The following OPCML variants were observed in gnomAD, a reference collection of about 807,000 sequenced individuals.
The protein encoded by OPCML is opioid-binding protein/cell adhesion molecule.
In OPCML, 13 loss-of-function variants were observed where a neutral mutation model predicts 37.8. The ratio of observed to expected loss-of-function variants is 0.34; its 90% CI spans 0.22 to 0.55. The LOEUF (loss-of-function observed/expected upper bound fraction) is 0.55. Ranked by LOEUF, OPCML falls within the 20% of genes least tolerant of loss-of-function variation. The pLI, the probability that OPCML is intolerant of heterozygous loss-of-function variation, is 0.91. For missense variants in OPCML, 341 were observed against 435.6 expected (o/e 0.78, Z 1.93); for synonymous variants, 176 against 168.8 (o/e 1.04, Z -0.33).
intron 2 of OPCML, among the ~76,000 whole-genome samples, chr11:132,834,789 A>T (rs1191979805): frequency 2.0e-5 from 3 of 152,184 alleles, no homozygotes; most frequent in Non-Finnish European, 4.4e-5. Flanking sequence ...CAGGCAAGAG[A>T]GCGTAGGACT....
intron 1 of OPCML, among the ~76,000 whole-genome samples, chr11:133,416,431 A>C (rs1945767169): frequency 6.6e-6 from 1 of 152,170 alleles, no homozygotes; most frequent in African/African-American, 2.4e-5. Context: ...AGCTGGACTA[A>C]CTCTGCCTCA....
At chr11:132,738,690 T>G (rs950848326) in intron 2 of OPCML, among the ~76,000 whole-genome samples, 11 of 152,342 alleles carry the variant, frequency 7.2e-5, no homozygotes, top group Admixed American at 7.2e-4. Context: ...CTGTAGTTAC[T>G]TACGGCTCCT....
Position 133,173,657 on chromosome 11 carries a change from G to T in OPCML, c.62-230647C>A, listed in dbSNP as rs1950318859. 6.6e-6 allele frequency among the ~76,000 whole-genome samples: 1 copy of T among 152,146 alleles called. No individual in the cohort carries two copies. On this transcript the variant is annotated intron_variant, in intron 1 of 7. Coordinates refer to ENST00000524381, the MANE Select transcript of OPCML (RefSeq NM_001012393.5). This position sits in a 1 kb window ranked among gnomAD's most constrained non-coding sequence, Gnocchi z 7.8. ...CAGTAACGCGATGAGGCTAACGTAA[G>T]GGTAGACACCTCCCTGCAGATAATA...
At chr11:132,635,985 G>A (rs751478534) in intron 3 of OPCML, among the ~76,000 whole-genome samples, 1 of 152,104 alleles carries the variant, frequency 6.6e-6, no homozygotes, top group Non-Finnish European at 1.5e-5. Context: ...GATACAAGAT[G>A]TCCATTGTTT....
At position 132,786,087 on chromosome 11, in the gene OPCML, G is replaced by A. The variant is rs549185755; in HGVS notation, c.147-128768C>T. Among the ~76,000 whole-genome samples, 73 of 152,206 alleles carry A rather than the reference G, an allele frequency of 4.8e-4. 1 individual carries two copies. Among genetic ancestry groups the A allele is most frequent in the African/African-American group, 1.7e-3 (70 of 41,548 alleles). On this transcript the variant is annotated intron_variant, in intron 2 of 7. Transcript: ENST00000524381. ...ATCCTCCACAGCATCTCAGCACCCC[G>A]CTTTCCACCTCCAGCTGCTCTCCTT... is the stretch of plus-strand genomic sequence containing the variant.
intron 1 of OPCML, among the ~76,000 whole-genome samples, chr11:133,120,100 A>G (rs1592019877): frequency 6.6e-6 from 1 of 152,202 alleles, no homozygotes; most frequent in African/African-American, 2.4e-5. Flanking sequence ...AGTTCAGGTT[A>G]AGAGCTGAGG....
At chr11:133,503,288 C>A (rs1475746800) in intron 1 of OPCML, among the ~76,000 whole-genome samples, 1 of 152,144 alleles carries the variant, frequency 6.6e-6, no homozygotes, top group Non-Finnish European at 1.5e-5. Context: ...ACCTTACAGC[C>A]CCCAAACCCA....
chr11:132,743,186 T>C (rs12799734), intron 2 of OPCML, among the ~76,000 whole-genome samples: 1 of 152,168 alleles, frequency 6.6e-6, no homozygotes, highest in African/African-American at 2.4e-5. Flanking sequence ...AGCCAAGGTC[T>C]TTTTCCTGGG....
At chr11:132,482,576 C>T (rs1008888611) in intron 4 of OPCML, among the ~76,000 whole-genome samples, 10 of 152,136 alleles carry the variant, frequency 6.6e-5, no homozygotes, top group African/African-American at 2.2e-4. Context: ...TTTATGAGTC[C>T]AGCATCATTC....
At chr11:133,217,556 A>G (rs1939635975) in intron 1 of OPCML, among the ~76,000 whole-genome samples, 1 of 152,138 alleles carries the variant, frequency 6.6e-6, no homozygotes, top group Non-Finnish European at 1.5e-5. Context: ...TCTGCCCCAC[A>G]CGAGAGCCCA....
At chr11:133,169,417 G>T (rs1950258607) in intron 1 of OPCML, among the ~76,000 whole-genome samples, 1 of 152,136 alleles carries the variant, frequency 6.6e-6, no homozygotes, top group South Asian at 2.1e-4. Flanking sequence ...AAAACTAAAT[G>T]ATTATTAGGC....
intron 1 of OPCML, among the ~76,000 whole-genome samples, chr11:133,372,798 G>A (rs144998550): frequency 5.0e-4 from 76 of 152,252 alleles, no homozygotes; most frequent in Non-Finnish European, 4.9e-4. Flanking sequence ...GAGCCCTTCT[G>A]ACATATTAGC....
chr11:132,998,292 A>G (rs1946923718), intron 1 of OPCML, among the ~76,000 whole-genome samples: 1 of 152,170 alleles, frequency 6.6e-6, no homozygotes, highest in African/African-American at 2.4e-5. Flanking sequence ...CATTGAGCAG[A>G]GTTCACCCAG....
At chr11:133,148,370 T>C (rs1272829179) in intron 1 of OPCML, among the ~76,000 whole-genome samples, 1 of 152,172 alleles carries the variant, frequency 6.6e-6, no homozygotes, top group Non-Finnish European at 1.5e-5. Context: ...GAACGTGCAA[T>C]CCATGCAGAC....
At position 132,441,165 on chromosome 11, in the gene OPCML, G is replaced by GTTTTTTTTTTTTTTTTTTTTTTTTTTTTT. The variant is rs68143578; in HGVS notation, c.506-3807_506-3806insAAAAAAAAAAAAAAAAAAAAAAAAAAAAA. ...AGATGTGTTCACCAAGGACTTTTTT[G>GTTTTTTTTTTTTTTTTTTTTTTTTTTTTT]TTTTTTTTTTTTTTTTTTTTGAGAC... On this transcript the variant is annotated intron_variant, in intron 4 of 7. Transcript: ENST00000524381. Among the ~76,000 whole-genome samples the GTTTTTTTTTTTTTTTTTTTTTTTTTTTTT allele has an allele frequency of 1.9e-4, 14 of 72,400 alleles. 1 individual carries two copies. The highest frequency in any genetic ancestry group is 6.0e-4 in the South Asian group (1 of 1,668). The allele number at this position is 72,400 out of a possible 152,430, so 47.5% of individuals were successfully genotyped here.
In OPCML at chr11:133,507,094, G is replaced by A. The variant is rs549407734; in HGVS notation, c.61+25170C>T. Among the ~76,000 whole-genome samples the A allele has an allele frequency of 3.7e-4, 57 of 152,318 alleles. No homozygotes were observed. In the South Asian group the frequency reaches 0.011, roughly 30 times the overall value. On this transcript the variant is annotated intron_variant, in intron 1 of 7. Transcript: ENST00000524381. ...TCTATTTCTCCCTTGCTCCATAAAT[G>A]AGGATCAAAACAGAGAAGACCGTTA...
chr11:132,972,344 G>A (rs1401803901), intron 1 of OPCML, among the ~76,000 whole-genome samples: 1 of 152,192 alleles, frequency 6.6e-6, no homozygotes, highest in Non-Finnish European at 1.5e-5. Context: ...AAAACAAGTT[G>A]CGGTGTATTC....
chr11:132,913,958 G>C (rs1029496067), intron 2 of OPCML, among the ~76,000 whole-genome samples: 1 of 152,174 alleles, frequency 6.6e-6, no homozygotes, highest in Admixed American at 6.5e-5. Context: ...GGTGTTTTCT[G>C]TGTTGCTATT....
chr11:132,954,374 T>C (rs1048169936), intron 1 of OPCML, among the ~76,000 whole-genome samples: 38 of 152,154 alleles, frequency 2.5e-4, no homozygotes, highest in Admixed American at 9.8e-4. Flanking sequence ...ATCGGGTTCT[T>C]GGAAAGCTGC....
Sources: allele counts gnomAD v4.1 joint callset (sites outside exome capture counted in the v4.1 genomes callset), GRCh38; gene constraint gnomAD v4.1.1; non-coding constraint Gnocchi (gnomAD v3.1); transcripts MANE v1.5; gene names NCBI Gene and HGNC (gene_info 2026-07-23, HGNC 2026-07-21).